Variants in RGS6 observed in about 807,000 individuals in gnomAD.
RGS6 encodes the protein regulator of G-protein signaling 6.
RGS6 carries 30 observed loss-of-function variants against 78.5 expected under a neutral mutation model. That is an observed-to-expected ratio of 0.38 (90% CI 0.29 to 0.52). RGS6 has a LOEUF of 0.52. RGS6 is among the 20% of genes least tolerant of loss of function. The pLI is 0.85. For missense variants in RGS6, 495 were observed against 609.7 expected (o/e 0.81, Z 1.98); for synonymous variants, 206 against 206.0 (o/e 1.00, Z 0.00).
chr14:72,514,801 C>T (rs1303795045), intron 14 of RGS6, among the ~76,000 whole-genome samples: 2 of 152,264 alleles, frequency 1.3e-5, no homozygotes, highest in South Asian at 4.1e-4. Flanking sequence ...CATTTCACTC[C>T]CTGCCGCTGC....
chr14:72,319,466 C>T (rs1188597109), intron 2 of RGS6, among the ~76,000 whole-genome samples: 2 of 151,986 alleles, frequency 1.3e-5, no homozygotes, highest in Admixed American at 6.5e-5. Flanking sequence ...TCTCCTGCCT[C>T]AGCCTCCCAA....
At chr14:72,543,923 AT>A (rs1183447547) in intron 17 of RGS6, among the ~76,000 whole-genome samples, 2 of 152,068 alleles carry the variant, frequency 1.3e-5, no homozygotes, top group African/African-American at 4.8e-5. Context: ...TTTAGTAGAG[AT>A]GGGGTTTCAC....
intron 2 of RGS6, among the ~76,000 whole-genome samples, chr14:72,200,991 GAAGAA>G (rs1403596680): frequency 2.2e-5 from 3 of 135,424 alleles, no homozygotes; most frequent in Non-Finnish European, 4.7e-5. Context: ...AAAAAAAGAA[GAAGAA>G]AAGAAAAGAA....
At chr14:72,265,016 G>A (rs542851031) in intron 2 of RGS6, among the ~76,000 whole-genome samples, 1 of 152,138 alleles carries the variant, frequency 6.6e-6, no homozygotes, top group Non-Finnish European at 1.5e-5. Flanking sequence ...GGATTTTCTG[G>A]TAAATCCAAA....
At chr14:72,060,250 T>C (rs950580003) in intron 2 of RGS6, among the ~76,000 whole-genome samples, 3 of 152,238 alleles carry the variant, frequency 2.0e-5, no homozygotes, top group Admixed American at 6.5e-5. Flanking sequence ...AGCTCTGTAA[T>C]AGTTATTTTG....
At chr14:72,375,983 A>G (rs954189131) in intron 3 of RGS6, among the ~76,000 whole-genome samples, 5 of 152,206 alleles carry the variant, frequency 3.3e-5, no homozygotes, top group Non-Finnish European at 7.3e-5. Flanking sequence ...ACAGACCTCC[A>G]AAGGAACACA....
At chr14:72,380,468 CA>C (rs55721601) in intron 3 of RGS6, among the ~76,000 whole-genome samples, 82,914 of 145,054 alleles carry the variant, frequency 0.57, 24,577 homozygotes, top group African/African-American at 0.78. Context: ...ATCTTGACAG[CA>C]AAAAAAAAAA....
At chr14:72,254,435 C>G (rs1174701411) in intron 2 of RGS6, among the ~76,000 whole-genome samples, 1 of 152,062 alleles carries the variant, frequency 6.6e-6, no homozygotes, top group Non-Finnish European at 1.5e-5. Context: ...TGCCTTATCC[C>G]CTTTCACATT....
chr14:72,097,735 T>A (rs1391903474), intron 2 of RGS6, among the ~76,000 whole-genome samples: 1 of 150,102 alleles, frequency 6.7e-6, no homozygotes, highest in African/African-American at 2.4e-5. Context: ...GCTGCTGGCT[T>A]CTGCATGCAG....
chr14:72,068,846 A>C (rs1388586343), intron 2 of RGS6, among the ~76,000 whole-genome samples: 5 of 151,960 alleles, frequency 3.3e-5, no homozygotes. Context: ...TTTTAAAAAT[A>C]AGTCTCATAA....
At chr14:72,163,077 A>G (rs1211865150) in intron 2 of RGS6, among the ~76,000 whole-genome samples, 1 of 152,208 alleles carries the variant, frequency 6.6e-6, no homozygotes, top group Non-Finnish European at 1.5e-5. Flanking sequence ...GAGGAATAAA[A>G]GACTACAAAT....
chr14:72,518,326 G>C, intron 14 of RGS6, 25 bp from the exon 15 acceptor site: 1 of 1,608,018 alleles, frequency 6.2e-7, no homozygotes, highest in Non-Finnish European at 8.5e-7. Context: ...CCCTGGAACT[G>C]ACTGTGTTTC....
chr14:72,293,286 C>G (rs2063987655), intron 2 of RGS6, among the ~76,000 whole-genome samples: 1 of 152,186 alleles, frequency 6.6e-6, no homozygotes, highest in African/African-American at 2.4e-5. Flanking sequence ...AGTTATTATT[C>G]ATAGTCCCTC....
chr14:72,256,968 A>T (rs979257199), intron 2 of RGS6, among the ~76,000 whole-genome samples: 7 of 152,204 alleles, frequency 4.6e-5, no homozygotes, highest in African/African-American at 1.7e-4. Context: ...CCCCAAAAAC[A>T]TGTCATTGAG....
chr14:72,592,332 A>G, the RGS6 span, among the ~76,000 whole-genome samples: 606 of 152,350 alleles, frequency 4.0e-3, 2 homozygotes, highest in Non-Finnish European at 5.5e-3. Flanking sequence ...CAAGAAATAC[A>G]TGGCATGCAC....
At chr14:72,578,493 A>C in the RGS6 span, among the ~76,000 whole-genome samples, 1 of 152,236 alleles carries the variant, frequency 6.6e-6, no homozygotes, top group East Asian at 1.9e-4. Flanking sequence ...AAAAGCTTCC[A>C]GCACTAGAAA....
chr14:72,088,416 C>T (rs764089500), intron 2 of RGS6, among the ~76,000 whole-genome samples: 3 of 152,138 alleles, frequency 2.0e-5, no homozygotes, highest in Non-Finnish European at 2.9e-5. Flanking sequence ...GCGTTCACCA[C>T]GTATCACTAT....
the RGS6 span, among the ~76,000 whole-genome samples, chr14:72,572,691 T>C: frequency 6.6e-6 from 1 of 152,066 alleles, no homozygotes; most frequent in Non-Finnish European, 1.5e-5. Context: ...TGGAGTTTCT[T>C]TGAGGAGTGA....
At chr14:72,380,691 A>C (rs1393155431) in intron 3 of RGS6, among the ~76,000 whole-genome samples, 1 of 152,096 alleles carries the variant, frequency 6.6e-6, no homozygotes, top group East Asian at 1.9e-4. Flanking sequence ...GCAAGAATGC[A>C]GAGAAAAGGG....
Sources: allele counts gnomAD v4.1 joint callset (sites outside exome capture counted in the v4.1 genomes callset), GRCh38; gene constraint gnomAD v4.1.1; transcripts MANE v1.5; gene names NCBI Gene and HGNC (gene_info 2026-07-23, HGNC 2026-07-21).